CCDC102B: variants seen among roughly 807,000 people sequenced by gnomAD.
CCDC102B encodes the protein coiled-coil domain-containing protein 102B.
A neutral mutation model predicts 57.4 loss-of-function variants in CCDC102B; 75 were observed. The observed-to-expected ratio is 1.31, with a 90% confidence interval of 1.08 to 1.58. CCDC102B has a LOEUF of 1.58. Among genes scored for constraint, CCDC102B ranks in the 40% most tolerant of loss-of-function variants. The probability of loss-of-function intolerance (pLI) is 0.00; values close to 1 mark genes in which losing one functional copy is unlikely to be tolerated. For missense variants in CCDC102B, 636 were observed against 582.6 expected, an observed-to-expected ratio of 1.09 and a Z score of -0.94; for synonymous variants, 206 against 201.9, an observed-to-expected ratio of 1.02 and a Z score of -0.17.
At position 68,884,108 on chromosome 18, in the gene CCDC102B, G is replaced by A. The variant is rs150440218; in HGVS notation, c.1053+9323G>A. On this transcript the variant is annotated intron_variant, in intron 5 of 7. Coordinates refer to ENST00000360242, the MANE Select transcript of CCDC102B (RefSeq NM_024781.3). ...AGCCATCATGGAAAACAATACCAAGGTTTCTAAGTAAGTTCAAAATGGAAC... is the reference window on the plus strand; with the variant it reads ...AGCCATCATGGAAAACAATACCAAGATTTCTAAGTAAGTTCAAAATGGAAC... Among the ~76,000 whole-genome samples the A allele has an allele frequency of 5.4e-4, 82 of 152,104 alleles. 2 individuals carry two copies. In the East Asian group the frequency reaches 0.015, roughly 28 times the overall value.
intron 6 of CCDC102B, among the ~76,000 whole-genome samples, chr18:68,958,084 G>A (rs1232511257): frequency 2.0e-5 from 3 of 151,722 alleles, no homozygotes; most frequent in East Asian, 3.9e-4. Flanking sequence ...AGAGAAGAGA[G>A]CTAGTGCAGG....
intron 6 of CCDC102B, among the ~76,000 whole-genome samples, chr18:68,956,331 T>TAA (rs1181387977): frequency 1.8e-4 from 3 of 16,702 alleles, no homozygotes; most frequent in African/African-American, 1.4e-3. Context: ...TTTATATATA[T>TAA]TATATATAAT....
chr18:68,748,691 A>T (rs2033725522), intron 2 of CCDC102B, among the ~76,000 whole-genome samples: 1 of 152,178 alleles, frequency 6.6e-6, no homozygotes, highest in African/African-American at 2.4e-5. Context: ...CAAGCTATTT[A>T]ATATGTAGTA....
intron 6 of CCDC102B, among the ~76,000 whole-genome samples, chr18:68,961,844 G>A (rs1196958596): frequency 6.6e-6 from 1 of 152,058 alleles, no homozygotes; most frequent in Admixed American, 6.6e-5. Flanking sequence ...TAACATAGCA[G>A]TTCGTGGATT....
intron 2 of CCDC102B, among the ~76,000 whole-genome samples, chr18:68,732,491 C>T (rs1012662723): frequency 6.6e-6 from 1 of 151,818 alleles, no homozygotes; most frequent in Non-Finnish European, 1.5e-5. Flanking sequence ...ATTACAGGCA[C>T]CCACCATCAT....
At chr18:68,964,850 A>C (rs116098222) in intron 6 of CCDC102B, among the ~76,000 whole-genome samples, 1,981 of 151,908 alleles carry the variant, frequency 0.013, 46 homozygotes, top group African/African-American at 0.045. Context: ...ATTTTACTTG[A>C]TATTGAATTC....
rs115472581 is a variant in CCDC102B, at chr18:68,932,838, T to C, written c.1263+35410T>C. ...CAGCTTTACAATTCCTTCCACTTTA[T>C]TGACGACTGATACAGGAAGGCTTCT... On this transcript the variant is annotated intron_variant, in intron 6 of 7. Coordinates refer to ENST00000360242, the MANE Select transcript of CCDC102B (RefSeq NM_024781.3). Among the ~76,000 whole-genome samples the C allele has an allele frequency of 6.3e-3, 958 of 151,972 alleles. 9 individuals carry two copies. The highest frequency in any genetic ancestry group is 0.022 in the African/African-American group (917 of 41,514).
intron 1 of CCDC102B, among the ~76,000 whole-genome samples, chr18:68,830,004 A>G (rs2037079754): frequency 6.6e-6 from 1 of 152,016 alleles, no homozygotes; most frequent in Admixed American, 6.6e-5. Flanking sequence ...TTGTAGTGGA[A>G]CTGTGATAGG....
rs1371875065 is a variant in CCDC102B at position 68,956,558 on chromosome 18, ATATAT to A, written c.1264-54370_1264-54366del. 1.9e-3 allele frequency among the ~76,000 whole-genome samples: 10 copies of A among 5,252 alleles called. 1 individual carries two copies. The South Asian group carries it at 0.031, about 16-fold the overall frequency. The allele number at this position is 5,252 out of a possible 152,430, so 3.4% of individuals were successfully genotyped here. ...TATATTTTATATATATAAATATTATATATATTATATATTTTATATATATAAATATT... is the reference window on the plus strand; with the variant it reads ...TATATTTTATATATATAAATATTATATATATATTTTATATATATAAATATT... On this transcript the variant is annotated intron_variant, in intron 6 of 7. Coordinates refer to ENST00000360242, the MANE Select transcript of CCDC102B (RefSeq NM_024781.3).
At chr18:69,040,701 T>C (rs2052413993) in intron 7 of CCDC102B, among the ~76,000 whole-genome samples, 1 of 152,058 alleles carries the variant, frequency 6.6e-6, no homozygotes. Context: ...TGTCAACGTT[T>C]TGTGACTATG....
At chr18:68,811,991 A>G (rs561516476) in intron 1 of CCDC102B, among the ~76,000 whole-genome samples, 8 of 152,344 alleles carry the variant, frequency 5.3e-5, no homozygotes, top group Non-Finnish European at 1.2e-4. Flanking sequence ...GAAAAAAAGT[A>G]TAAGATTCTC....
chr18:68,971,576 G>A (rs2050302256), intron 6 of CCDC102B, among the ~76,000 whole-genome samples: 1 of 152,022 alleles, frequency 6.6e-6, no homozygotes, highest in Non-Finnish European at 1.5e-5. Context: ...TGCCCCTTTA[G>A]GTAAGGGGAA....
At chr18:68,870,946 C>T (rs1192465891) in intron 4 of CCDC102B, among the ~76,000 whole-genome samples, 5 of 152,012 alleles carry the variant, frequency 3.3e-5, no homozygotes, top group East Asian at 1.9e-4. Context: ...AAATACTTTA[C>T]ATTACACAAC....
intron 1 of CCDC102B, among the ~76,000 whole-genome samples, chr18:68,827,898 A>T (rs992824677): frequency 1.2e-4 from 18 of 152,014 alleles, no homozygotes; most frequent in African/African-American, 4.3e-4. Context: ...AAAATACCTA[A>T]GAGTAGCTAT....
At chr18:68,804,939 G>T (rs2086079) in intron 1 of CCDC102B, among the ~76,000 whole-genome samples, 19,480 of 151,450 alleles carry the variant, frequency 0.13, 1,506 homozygotes, top group East Asian at 0.3. Flanking sequence ...CTAGAGAGAG[G>T]TACAAACTAG....
chr18:68,824,852 T>A (rs1368206722), intron 1 of CCDC102B, among the ~76,000 whole-genome samples: 1 of 152,126 alleles, frequency 6.6e-6, no homozygotes, highest in African/African-American at 2.4e-5. Context: ...ATCTGAAAAA[T>A]TTCTTTGTCT....
At chr18:68,737,881 A>T (rs1422694200) in intron 2 of CCDC102B, among the ~76,000 whole-genome samples, 1 of 152,134 alleles carries the variant, frequency 6.6e-6, no homozygotes, top group Non-Finnish European at 1.5e-5. Flanking sequence ...TTCTTCTGGG[A>T]ATCAGGAATG....
intron 7 of CCDC102B, among the ~76,000 whole-genome samples, chr18:69,052,892 A>G (rs1357541025): frequency 1.3e-5 from 2 of 151,952 alleles, no homozygotes; most frequent in African/African-American, 2.4e-5. Context: ...TATATATTAT[A>G]TACTGTATTA....
intron 4 of CCDC102B, among the ~76,000 whole-genome samples, chr18:68,857,076 A>G (rs2038429353): frequency 8.5e-6 from 1 of 118,166 alleles, no homozygotes; most frequent in African/African-American, 3.3e-5. Context: ...TATATATTAT[A>G]TATAAATATA....
Sources: gnomAD v4.1 joint callset for allele counts (sites outside exome capture counted in the v4.1 genomes callset) on GRCh38, gnomAD v4.1.1 for gene constraint, MANE v1.5 for transcripts, NCBI Gene and HGNC (gene_info 2026-07-23, HGNC 2026-07-21) for gene names.